The following SLX4 variants were observed in gnomAD, a reference collection of about 807,000 sequenced individuals.
SLX4 encodes SLX4 structure-specific endonuclease subunit.
A neutral mutation model predicts 146.2 loss-of-function variants in SLX4; 112 were observed. That is an observed-to-expected ratio of 0.77 (90% CI 0.66 to 0.90). The LOEUF is 0.90. Among genes scored for constraint, SLX4 ranks in the 40% least tolerant of loss-of-function variants. The pLI, the probability that SLX4 is intolerant of heterozygous loss-of-function variation, is 0.00. For synonymous variants in SLX4, 1,061 were observed against 997.7 expected, an observed-to-expected ratio of 1.06 and a Z score of -1.20; for missense variants, 2,563 against 2,392.7, an observed-to-expected ratio of 1.07 and a Z score of -1.49.
Position 3,589,796 on chromosome 16 carries a change from C to T in SLX4, c.3842G>A (p.Gly1281Glu), listed in dbSNP as rs766299864. ...CTGAGTCACCGCCTGCACGGCCAGC[C>T]CGCTCCTGAGGCTGCTGATTTGGGT... ...SQTQISSLRS[G>E]LAVQAVTQHT... Residue 1281 changes from glycine (G) to glutamate (E), a missense_variant, in exon 12 of 15, where the codon GGG becomes GAG. Coordinates refer to ENST00000294008, the MANE Select transcript of SLX4 (RefSeq NM_032444.4). This position sits in a 1 kb window ranked among gnomAD's most constrained non-coding sequence, Gnocchi z 6.2. 2.5e-6 allele frequency: 4 copies of T among 1,613,428 alleles called. No individual in the cohort carries two copies. Among genetic ancestry groups the T allele is most frequent in the Admixed American group, 1.7e-5 (1 of 60,020 alleles).
At position 3,608,510 on chromosome 16, in the gene SLX4, A is replaced by G. The variant is rs2151139133; in HGVS notation, c.455T>C (p.Val152Ala). The G allele has an allele frequency of 1.2e-6, 2 of 1,614,192 alleles. No homozygotes were observed. The highest frequency in any genetic ancestry group is 1.7e-6 in the Non-Finnish European group (2 of 1,180,046). ...GVLASAPDPP[V>A]LRETAQNTQT... ...GGTGTTTTGTGCTGTTTCCCGGAGC[A>G]CAGGTGGATCTGGAGCAGAGGCAAG... The change falls in exon 2 of 15, where the codon GTG (valine) becomes GCG (alanine). Residue 152 changes from valine to alanine, a missense_variant. By Grantham distance (64) the Val-to-Ala change is moderately conservative. Transcript: ENST00000294008.
rs145004243 is a variant in SLX4, at chr16:3,590,598, T to A, written c.3040A>T (p.Arg1014Trp). 6.2e-7 allele frequency: 1 copy of A among 1,613,536 alleles called. No individual in the cohort carries two copies. The highest frequency in any genetic ancestry group is 1.3e-5 in the African/African-American group (1 of 74,934). ...PEEQSGAVRE[R>W]GLEVSHRLAP... ...AGGCGATGAGAAACCTCCAGCCCCC[T>A]TTCCCTGACAGCGCCACTTTGTTCC... is the stretch of plus-strand genomic sequence containing the variant. The change falls in exon 12 of 15, where the codon AGG becomes TGG. Residue 1014 changes from arginine (R) to tryptophan (W), a missense_variant. Transcript: ENST00000294008. This position sits in a 1 kb window ranked among gnomAD's most constrained non-coding sequence, Gnocchi z 4.8.
intron 9 of SLX4, among the ~76,000 whole-genome samples, chr16:3,594,807 C>G (rs143401400): frequency 6.6e-6 from 1 of 152,216 alleles, no homozygotes; most frequent in South Asian, 2.1e-4. Context: ...AAAGCACTAG[C>G]TTGTTCCTCT....
chr16:3,595,787 G>C (rs2040645577), intron 8 of SLX4, 94 bp from the exon 9 acceptor site: 2 of 1,424,406 alleles, frequency 1.4e-6, no homozygotes, highest in African/African-American at 1.4e-5. Context: ...GCCAGCCCCT[G>C]CGGTGCCTCG....
Position 3,591,165 on chromosome 16 carries a change from C to G in SLX4, c.2473G>C (p.Asp825His). ...FQELLRSMWADEEEEAETLLK... is the reference protein window; with the variant it reads ...FQELLRSMWAHEEEEAETLLK... ...AAAGTCTCCGCTTCCTCCTCTTCAT[C>G]TGCCCACATTGACCTCAAGAGTTCC... is the stretch of plus-strand genomic sequence containing the variant. The change falls in exon 12 of 15, where the codon GAT (aspartate) becomes CAT (histidine). Residue 825 changes from aspartate to histidine, a missense_variant. By Grantham distance (81) the Asp-to-His change is moderately conservative. Coordinates refer to ENST00000294008, the MANE Select transcript of SLX4 (RefSeq NM_032444.4). The G allele has an allele frequency of 6.2e-7, 1 of 1,614,234 alleles. No homozygotes were observed. Among genetic ancestry groups the G allele is most frequent in the East Asian group, 2.2e-5 (1 of 44,892 alleles).
At chr16:3,594,291 G>A (rs1418284734) in intron 10 of SLX4, among the ~76,000 whole-genome samples, 162 bp downstream of exon 10, 2 of 152,086 alleles carry the variant, frequency 1.3e-5, no homozygotes, top group African/African-American at 2.4e-5. Context: ...TTGCAGAAAC[G>A]GATGGTTGGG....
rs988571866 is a variant in SLX4 at position 3,583,171 on chromosome 16, G to A, written c.5079C>T (p.Asp1693=). 6.8e-6 allele frequency: 11 copies of A among 1,614,130 alleles called. No individual in the cohort carries two copies. Among genetic ancestry groups the A allele is most frequent in the East Asian group, 4.5e-5 (2 of 44,896 alleles). ...ATTCTTGAGAGGCTGGGATCTGGGCGTCATCATTGAGGCCTGGAGGTGCCT... is the reference window on the plus strand; with the variant it reads ...ATTCTTGAGAGGCTGGGATCTGGGCATCATCATTGAGGCCTGGAGGTGCCT... ...TKEAPPGLND[D]AQIPASQESV... is the part of the protein sequence containing the mutation. Residue 1693 remains aspartate (D), a synonymous_variant, in exon 14 of 15, where the codon GAC becomes GAT. Transcript: ENST00000294008.
rs926938694 is a variant in SLX4 at position 3,589,492 on chromosome 16, G to T, written c.4146C>A (p.Ser1382Arg). 9 of 1,610,152 alleles carry T rather than the reference G, an allele frequency of 5.6e-6. No homozygotes were observed. The African/African-American group carries it at 1.2e-4, about 22-fold the overall frequency. Residue 1382 changes from serine (S) to arginine (R), a missense_variant, in exon 12 of 15, where the codon AGC (serine) becomes AGA (arginine). Physicochemically the swap from Ser to Arg is moderately radical, Grantham distance 110. Transcript: ENST00000294008. The surrounding 1 kb of genome is among the most constrained non-coding windows in gnomAD (Gnocchi z 6.2). ...RFLKHSPPGP[S>R]FLNQTPAGEV... ...CACCCGCTGGGGTCTGGTTCAGGAAGCTTGGCCCAGGCGGCGAGTGTTTCA... is the reference window on the plus strand; with the variant it reads ...CACCCGCTGGGGTCTGGTTCAGGAATCTTGGCCCAGGCGGCGAGTGTTTCA...
In SLX4 at chr16:3,606,697, C is replaced by T. The variant is rs758789462; in HGVS notation, c.537G>A (p.Glu179=). ...SPNLSREKTR[E]NVPNSDSQPP... ...GCTGGGAGTCGCTGTTGGGCACATT[C>T]TCTGGCAAGGAGGAAAATATTCACA... Residue 179 remains glutamate, a splice_region_variant and synonymous_variant, in exon 3 of 15, where the codon GAG becomes GAA. Coordinates refer to ENST00000294008, the MANE Select transcript of SLX4 (RefSeq NM_032444.4). The T allele has an allele frequency of 1.2e-6, 2 of 1,614,058 alleles. No individual in the cohort carries two copies. The highest frequency in any genetic ancestry group is 1.7e-6 in the Non-Finnish European group (2 of 1,180,016).
intron 10 of SLX4, 119 bp from the exon 11 acceptor site, chr16:3,592,984 G>A (rs1396118865): frequency 2.8e-6 from 3 of 1,052,700 alleles, no homozygotes; most frequent in Non-Finnish European, 4.0e-6. Flanking sequence ...TTTAGAGACA[G>A]TGTCTCCCCT....
Position 3,582,343 on chromosome 16 carries a change from C to G in SLX4, c.5504G>C (p.Ter1835SerextTer101). 6.2e-7 allele frequency: 1 copy of G among 1,610,658 alleles called. No homozygotes were observed. The highest frequency in any genetic ancestry group is 1.1e-5 in the South Asian group (1 of 90,984). Residue 1835 changes from the stop codon to serine, a stop_lost, in exon 15 of 15, where the codon TGA becomes TCA. Coordinates refer to ENST00000294008, the MANE Select transcript of SLX4 (RefSeq NM_032444.4). ...TGGGGTGGGGTCGGGATGGCCCCAT[C>G]AGTTCCGCTCCACCTTCTTCTTGCC... ...PRGKKKVERN[*>S] is the part of the protein sequence containing the mutation.
chr16:3,596,496 A>C (rs574236228), intron 7 of SLX4, 103 bp from the exon 8 acceptor site: 1 of 1,367,734 alleles, frequency 7.3e-7, no homozygotes, highest in Non-Finnish European at 9.8e-7. Flanking sequence ...CTAAAACTAC[A>C]GAGCAGGATG....
At chr16:3,609,772 G>A (rs1307753123) in intron 1 of SLX4, among the ~76,000 whole-genome samples, 1 of 152,184 alleles carries the variant, frequency 6.6e-6, no homozygotes, top group East Asian at 1.9e-4. Flanking sequence ...AAAGCATGTT[G>A]TTCTTCCACA....
chr16:3,596,543 C>G (rs1567173517), intron 7 of SLX4, 150 bp from the exon 8 acceptor site: 1 of 961,062 alleles, frequency 1.0e-6, no homozygotes, highest in Non-Finnish European at 1.5e-6. Context: ...GGGCTCCAGC[C>G]ACAGCCTGGA....
chr16:3,583,227 T>C lies in SLX4; in HGVS notation c.5023A>G (p.Ile1675Val). Residue 1675 changes from isoleucine (I) to valine (V), a missense_variant, in exon 14 of 15, where the codon ATC becomes GTC. Physicochemically the swap from Ile to Val is conservative, Grantham distance 29. Transcript: ENST00000294008. ...GTGGGCGACCTGCTTGGGGGTGTGATGCTTTCATGATGCTTCCTTTGATGT... is the reference window on the plus strand; with the variant it reads ...GTGGGCGACCTGCTTGGGGGTGTGACGCTTTCATGATGCTTCCTTTGATGT... ...PRHQRKHHES[I>V]TPPSRSPTKE... The C allele has an allele frequency of 6.2e-7, 1 of 1,614,172 alleles. No individual in the cohort carries two copies. The highest frequency in any genetic ancestry group is 8.5e-7 in the Non-Finnish European group (1 of 1,180,028).
chr16:3,588,493 C>G (rs889677132), intron 12 of SLX4, among the ~76,000 whole-genome samples: 2 of 152,242 alleles, frequency 1.3e-5, no homozygotes, highest in Admixed American at 1.3e-4. Context: ...TCCTGACGGG[C>G]ATTTGGGTTG....
chr16:3,600,862 C>T, intron 5 of SLX4, 117 bp downstream of exon 5: 2 of 1,116,540 alleles, frequency 1.8e-6, no homozygotes. Context: ...TCCCAAAGTG[C>T]TGCGATTACA....
At chr16:3,601,401 G>GA (rs1204832162) in intron 4 of SLX4, 2 of 605,654 alleles carry the variant, frequency 3.3e-6, no homozygotes, top group Non-Finnish European at 3.0e-6. Flanking sequence ...AGAAAGCAAG[G>GA]AAAGATTAAA....
chr16:3,595,539 C>T lies in SLX4; in HGVS notation c.2013+66G>A, dbSNP rs2040641474. ...GGGCCAGAGGCCAGCGGTGAGCCAACCCCACCACACACATGGCAAGTGGGA... is the reference window on the plus strand; with the variant it reads ...GGGCCAGAGGCCAGCGGTGAGCCAATCCCACCACACACATGGCAAGTGGGA... On this transcript the variant is annotated intron_variant, in intron 9 of 14. Transcript: ENST00000294008. 6 of 1,571,532 alleles carry T rather than the reference C, an allele frequency of 3.8e-6. No homozygotes were observed. In the Admixed American group the frequency reaches 6.7e-5, roughly 18 times the overall value.
Sources: allele counts gnomAD v4.1 joint callset (sites outside exome capture counted in the v4.1 genomes callset), GRCh38; gene constraint gnomAD v4.1.1; non-coding constraint Gnocchi (gnomAD v3.1); transcripts MANE v1.5; gene names NCBI Gene and HGNC (gene_info 2026-07-23, HGNC 2026-07-21).